PI4K2A: variants seen among roughly 807,000 people sequenced by gnomAD.
PI4K2A encodes phosphatidylinositol 4-kinase type 2-alpha.
Under a neutral mutation model 55.0 loss-of-function variants are expected in PI4K2A, and 20 were observed. The observed-to-expected ratio is 0.36, with a 90% CI of 0.26 to 0.53. The LOEUF (loss-of-function observed/expected upper bound fraction) is 0.53, where lower values mean the gene tolerates loss of function less well. Among genes scored for constraint, PI4K2A ranks in the 20% least tolerant of loss-of-function variants. PI4K2A has a pLI of 0.91. For synonymous variants in PI4K2A, 235 were observed against 258.5 expected, an observed-to-expected ratio of 0.91 and a Z score of 0.87; for missense variants, 463 against 637.1, an observed-to-expected ratio of 0.73 and a Z score of 2.94.
intron 1 of PI4K2A, among the ~76,000 whole-genome samples, chr10:97,646,935 C>T (rs1373080687): frequency 2.0e-5 from 3 of 151,890 alleles, no homozygotes; most frequent in Non-Finnish European, 2.9e-5. Flanking sequence ...CCACCATGCC[C>T]GGCTAATTTT....
chr10:97,658,485 C>T (rs1218175708), intron 4 of PI4K2A, among the ~76,000 whole-genome samples: 2 of 152,184 alleles, frequency 1.3e-5, no homozygotes, highest in African/African-American at 4.8e-5. Flanking sequence ...ACGAACAATG[C>T]TACTATGAAC....
intron 2 of PI4K2A, among the ~76,000 whole-genome samples, chr10:97,652,540 A>G (rs772188551): frequency 9.2e-5 from 14 of 151,720 alleles, no homozygotes; most frequent in Non-Finnish European, 1.8e-4. Context: ...GGCTCAAGCT[A>G]TCCTCCTGCC....
rs998825756 is a variant in PI4K2A, at chr10:97,650,368, G to A, written c.436-573G>A. On this transcript the variant is annotated intron_variant, in intron 1 of 8. Transcript: ENST00000370631. The stretch of plus-strand genomic sequence containing the variant: ...GCAATCTAGGCTCACTGCAACCTCC[G>A]CCCCATGGGTTCAAGTGATTCTCAT... Among the ~76,000 whole-genome samples the A allele has an allele frequency of 4.1e-5, 6 of 144,922 alleles. No individual in the cohort carries two copies. The South Asian group carries it at 8.8e-4, about 21-fold the overall frequency.
intron 1 of PI4K2A, among the ~76,000 whole-genome samples, chr10:97,642,643 C>T (rs1041702403): frequency 6.6e-6 from 1 of 152,072 alleles, no homozygotes; most frequent in Admixed American, 6.5e-5. Context: ...CCCACCTCGG[C>T]CTCCCAAAGC....
At chr10:97,641,490 G>A (rs2041469379) in intron 1 of PI4K2A, among the ~76,000 whole-genome samples, 1 of 152,186 alleles carries the variant, frequency 6.6e-6, no homozygotes, top group South Asian at 2.1e-4. Flanking sequence ...AGGGTACTTA[G>A]CTTCACACTA....
rs1405801485 is a variant in PI4K2A, at chr10:97,656,584, C to T, written c.768+168C>T. ...TGGCTAAGGTTTGAAAAGTTGAGAC[C>T]TAACTTTTCACTTTACTCCTCTGGT... On this transcript the variant is annotated intron_variant, in intron 3 of 8. Coordinates refer to ENST00000370631, the Ensembl canonical transcript of PI4K2A. This position sits in a 1 kb window ranked among gnomAD's most constrained non-coding sequence, Gnocchi z 4.5. 6.6e-6 allele frequency among the ~76,000 whole-genome samples: 1 copy of T among 152,158 alleles called. No individual in the cohort carries two copies. Among genetic ancestry groups the T allele is most frequent in the Admixed American group, 6.5e-5 (1 of 15,274 alleles).
chr10:97,672,982 T>G (rs117714991), intron 8 of PI4K2A, among the ~76,000 whole-genome samples: 1 of 151,502 alleles, frequency 6.6e-6, no homozygotes, highest in Admixed American at 6.6e-5. Flanking sequence ...TTTGTGTTTT[T>G]TTTTTTTCTT....
intron 1 of PI4K2A, among the ~76,000 whole-genome samples, chr10:97,650,478 C>T (rs991522074): frequency 2.0e-5 from 3 of 152,078 alleles, no homozygotes; most frequent in Admixed American, 6.5e-5. Flanking sequence ...GACAGGGTTT[C>T]GCCATGTTGG....
Position 97,642,927 on chromosome 10 carries a change from T to TCC in PI4K2A, c.435+1750_435+1751insCC, listed in dbSNP as rs1218247297. 6.0e-3 allele frequency among the ~76,000 whole-genome samples: 756 copies of TCC among 124,972 alleles called. 67 individuals carry two copies. The highest frequency in any genetic ancestry group is 0.025 in the African/African-American group (678 of 27,600). 82.0% of individuals were successfully genotyped at this position (124,972 alleles called of 152,430 possible). On this transcript the variant is annotated intron_variant, in intron 1 of 8. Transcript: ENST00000370631. ...TTCCTTCCTTCCTTCCTTCCTTCCT[T>TCC]TCTTTCCTTTCTTTCTTTCTCTTTC...
chr10:97,640,884 C>CCGCCGGGCT (rs2041463753), exon 1 of PI4K2A: 2 of 1,301,040 alleles, frequency 1.5e-6, no homozygotes, highest in Non-Finnish European at 1.9e-6. Flanking sequence ...GGGCCCCTCT[C>CCGCCGGGCT]CGCCGGGCTC....
At chr10:97,659,791 G>C (rs1200329425) in intron 4 of PI4K2A, among the ~76,000 whole-genome samples, 1 of 151,898 alleles carries the variant, frequency 6.6e-6, no homozygotes, top group Non-Finnish European at 1.5e-5. Flanking sequence ...TACTGTCCAG[G>C]CTTTCCCCTG....
chr10:97,642,150 C>G (rs1325881668), intron 1 of PI4K2A, among the ~76,000 whole-genome samples: 1 of 152,118 alleles, frequency 6.6e-6, no homozygotes, highest in Non-Finnish European at 1.5e-5. Context: ...CCTGACATCT[C>G]TCCTGTGTGA....
At chr10:97,671,727 C>T (rs7098161) in intron 8 of PI4K2A, among the ~76,000 whole-genome samples, 71,983 of 151,942 alleles carry the variant, frequency 0.47, 18,179 homozygotes, top group African/African-American at 0.66. Context: ...GAAACCTCCG[C>T]CTCCCGGGTT....
At chr10:97,672,725 CTTTTTTTTTTTT>C (rs146627600) in intron 8 of PI4K2A, among the ~76,000 whole-genome samples, 6 of 83,978 alleles carry the variant, frequency 7.1e-5, no homozygotes, top group East Asian at 6.4e-4. Flanking sequence ...AGGGTCTGTT[CTTTTTTTTTTTT>C]TTTTTTTTTT....
At chr10:97,643,137 C>G (rs2135751351) in intron 1 of PI4K2A, among the ~76,000 whole-genome samples, 1 of 151,714 alleles carries the variant, frequency 6.6e-6, no homozygotes, top group South Asian at 2.1e-4. Context: ...CAGGCACGCA[C>G]CACCACACCC....
At chr10:97,666,634 A>C (rs2041610854) in intron 7 of PI4K2A, 63 bp downstream of exon 7, 2 of 1,440,206 alleles carry the variant, frequency 1.4e-6, no homozygotes, top group South Asian at 2.5e-5. Flanking sequence ...TGGTTTTTTT[A>C]ATTGGTCCTG....
At chr10:97,657,045 C>T (rs1380471141) in intron 4 of PI4K2A, 71 bp downstream of exon 4, 287 of 1,520,554 alleles carry the variant, frequency 1.9e-4, no homozygotes, top group Non-Finnish European at 2.6e-4. Context: ...TGGAGGCTTG[C>T]AGGGCTTGGG....
chr10:97,662,933 AAATATGACTGTCC>A lies in PI4K2A; in HGVS notation c.953_965del (p.Tyr318TrpfsTer14). 2 of 1,608,152 alleles carry A rather than the reference AAATATGACTGTCC, an allele frequency of 1.2e-6. No individual in the cohort carries two copies. Among genetic ancestry groups the A allele is most frequent in the Non-Finnish European group, 1.7e-6 (2 of 1,174,668 alleles). ...TCGAGGCAATGACAACTGGCTGATT[AAATATGACTGTCC>A]AATGGATAGTTCTAGCTCTCGGGTA... is the stretch of plus-strand genomic sequence containing the variant. On this transcript the variant is annotated frameshift_variant, in exon 5 of 9. Transcript: ENST00000370631. LOFTEE classifies it high-confidence loss of function.
chr10:97,654,700 C>T (rs1319710850), intron 2 of PI4K2A, among the ~76,000 whole-genome samples: 2 of 152,136 alleles, frequency 1.3e-5, no homozygotes, highest in Non-Finnish European at 2.9e-5. Flanking sequence ...TTCCTCAAAT[C>T]TCATTCATTT....
Sources: allele counts gnomAD v4.1 joint callset (sites outside exome capture counted in the v4.1 genomes callset), GRCh38; gene constraint gnomAD v4.1.1; non-coding constraint Gnocchi (gnomAD v3.1); transcripts MANE v1.5; gene names NCBI Gene and HGNC (gene_info 2026-07-23, HGNC 2026-07-21).